PRSS56: variants seen among roughly 807,000 people sequenced by gnomAD.
The protein encoded by PRSS56 is protease, serine 56.
Under a neutral mutation model 66.8 loss-of-function variants are expected in PRSS56, and 55 were observed. The observed-to-expected ratio is 0.82, with a 90% CI of 0.66 to 1.03. The LOEUF (loss-of-function observed/expected upper bound fraction) is 1.03, where lower values mean the gene tolerates loss of function less well. Ranked by LOEUF, PRSS56 falls within the 50% of genes least tolerant of loss-of-function variation. The probability of loss-of-function intolerance (pLI) is 0.00; values close to 1 mark genes in which losing one functional copy is unlikely to be tolerated. For synonymous variants in PRSS56, 409 were observed against 387.9 expected (o/e 1.05, Z -0.64); for missense variants, 869 against 837.2 (o/e 1.04, Z -0.47).
In PRSS56 at chr2:232,523,128, G is replaced by A. The variant is rs1691322469; in HGVS notation, c.775G>A (p.Ala259Thr). Residue 259 changes from alanine to threonine, a missense_variant, in exon 7 of 13, where the codon GCC becomes ACC. Around this residue, in one of 3 missense-constraint regions of PRSS56, gnomAD observed 551 missense variants for 506.9 expected, o/e 1.09. Coordinates refer to ENST00000617714, the MANE Select transcript of PRSS56 (RefSeq NM_001195129.2). ...GCTCAGCACCGACACCTGCCGAAGAGCCCTGGGGCCCGGGCTGCGCCCCAG... is the reference window on the plus strand; with the variant it reads ...GCTCAGCACCGACACCTGCCGAAGAACCCTGGGGCCCGGGCTGCGCCCCAG... ...PLLSTDTCRR[A>T]LGPGLRPSTM... The A allele has an allele frequency of 6.5e-7, 1 of 1,533,904 alleles. No individual in the cohort carries two copies. Among genetic ancestry groups the A allele is most frequent in the East Asian group, 2.4e-5 (1 of 40,852 alleles).
At position 232,524,779 on chromosome 2, in the gene PRSS56, C is replaced by T; in HGVS notation, c.1456C>T (p.Leu486=). Reference sequence around the variant, plus strand: ...GCCCCTGCGACAGAAGTTGGCTGCCCTGCAGGGGGCCCATGCCTGGATCCT... The same window carrying T: ...GCCCCTGCGACAGAAGTTGGCTGCCTTGCAGGGGGCCCATGCCTGGATCCT... ...LEPLRQKLAA[L]QGAHAWILQV... The change falls in exon 12 of 13, where the codon CTG becomes TTG. Residue 486 remains leucine, a synonymous_variant. Transcript: ENST00000617714. The T allele has an allele frequency of 6.5e-7, 1 of 1,533,990 alleles. No homozygotes were observed. Among genetic ancestry groups the T allele is most frequent in the Middle Eastern group, 1.7e-4 (1 of 5,974 alleles).
At chr2:232,520,819 C>A (rs1156516761) in intron 1 of PRSS56, 124 bp downstream of exon 1, 2 of 621,170 alleles carry the variant, frequency 3.2e-6, no homozygotes, top group Non-Finnish European at 5.6e-6. Flanking sequence ...TCCTTCTGCC[C>A]ACCCTGCTGC....
chr2:232,520,605 C>T lies in PRSS56; in HGVS notation c.7C>T (p.Leu3=), dbSNP rs1274415305. The change falls in exon 1 of 13, where the codon CTG becomes TTG. Residue 3 remains leucine (L), a synonymous_variant. Transcript: ENST00000617714. The part of the protein sequence containing the change: ML[L]AVLLLLPLPS... ...ACCCCAGCTCCTGGTCACCATGCTG[C>T]TGGCTGTGCTGCTGCTGCTACCCCT... 6.5e-7 allele frequency: 1 copy of T among 1,536,024 alleles called. No homozygotes were observed. The highest frequency in any genetic ancestry group is 2.0e-5 in the Admixed American group (1 of 50,998).
rs1290675725 is a variant in PRSS56, at chr2:232,524,345, C to A, written c.1390C>A (p.Pro464Thr). Reference sequence around the variant, plus strand: ...AGGCACTCGGTTCCCGAAGCGGAGGCCGGAGCCGCGCGGAGAAGCCAACGG... The same window carrying A: ...AGGCACTCGGTTCCCGAAGCGGAGGACGGAGCCGCGCGGAGAAGCCAACGG... Reference protein sequence around the residue: ...AAGTRFPKRRPEPRGEANGCP... With the variant: ...AAGTRFPKRRTEPRGEANGCP... Residue 464 changes from proline (P) to threonine (T), a missense_variant, in exon 11 of 13, where the codon CCG (proline) becomes ACG (threonine). Transcript: ENST00000617714. 3.9e-6 allele frequency: 6 copies of A among 1,535,648 alleles called. No homozygotes were observed. The highest frequency in any genetic ancestry group is 5.2e-6 in the Non-Finnish European group (6 of 1,146,782).
In PRSS56 at chr2:232,520,948, C is replaced by T. The variant is rs370788701; in HGVS notation, c.97+253C>T. Among the ~76,000 whole-genome samples the T allele has an allele frequency of 1.1e-4, 17 of 152,304 alleles. 1 individual carries two copies. The East Asian group carries it at 2.1e-3, about 19-fold the overall frequency. On this transcript the variant is annotated intron_variant, in intron 1 of 12. Transcript: ENST00000617714. ...GAAGGCCCCAAGAAGCAGAGAGAAA[C>T]GGCCCGGGGCAGCACCCTGCCCTTG...
intron 2 of PRSS56, 25 bp from the exon 3 acceptor site, chr2:232,521,791 G>A (rs1467984629): frequency 3.9e-6 from 6 of 1,535,250 alleles, no homozygotes; most frequent in Non-Finnish European, 5.2e-6. Flanking sequence ...GCAGCAGTGA[G>A]ACTCAAAGGT....
At position 232,522,092 on chromosome 2, in the gene PRSS56, G is replaced by A; in HGVS notation, c.378G>A (p.Gly126=). 1.3e-6 allele frequency: 2 copies of A among 1,516,864 alleles called. No homozygotes were observed. Among genetic ancestry groups the A allele is most frequent in the Non-Finnish European group, 1.8e-6 (2 of 1,139,120 alleles). 94.0% of individuals were successfully genotyped at this position (1,516,864 alleles called of 1,614,324 possible). The stretch of plus-strand genomic sequence containing the variant: ...GGCTGGTGAGGCTGCAGCTCGGCGG[G>A]CAGCCTCTGTGCGGCGGCGTCCTGG... The part of the protein sequence containing the change: ...WPWLVRLQLG[G]QPLCGGVLVA... The change falls in exon 4 of 13, where the codon GGG becomes GGA. Residue 126 remains glycine, a synonymous_variant. Coordinates refer to ENST00000617714, the MANE Select transcript of PRSS56 (RefSeq NM_001195129.2).
rs1392933153 is a variant in PRSS56 at position 232,521,403 on chromosome 2, C to T, written c.180C>T (p.Ile60=). 3 of 1,536,148 alleles carry T rather than the reference C, an allele frequency of 2.0e-6. No individual in the cohort carries two copies. Among genetic ancestry groups the T allele is most frequent in the South Asian group, 2.4e-5 (2 of 84,064 alleles). Residue 60 remains isoleucine, a synonymous_variant, in exon 2 of 13, where the codon ATC becomes ATT. Coordinates refer to ENST00000617714, the MANE Select transcript of PRSS56 (RefSeq NM_001195129.2). ...QWAINRVAME[I]QHRSHECRGS... is the part of the protein sequence containing the mutation. ...CAATAAACCGAGTGGCGATGGAGAT[C>T]CAGCACAGATCGCACGAGTGCCGAG...
In PRSS56 at chr2:232,525,439, G is replaced by T; in HGVS notation, c.1745G>T (p.Gly582Val). 6.5e-7 allele frequency: 1 copy of T among 1,530,588 alleles called. No homozygotes were observed. Among genetic ancestry groups the T allele is most frequent in the Non-Finnish European group, 8.7e-7 (1 of 1,143,740 alleles). The allele number at this position is 1,530,588 out of a possible 1,614,324, so 94.8% of individuals were successfully genotyped here. ...GGACCCTGGATGGATGTAGGGCAGGGGCCCGGGCTGGAGAGGAAGGGGCAC... is the reference window on the plus strand; with the variant it reads ...GGACCCTGGATGGATGTAGGGCAGGTGCCCGGGCTGGAGAGGAAGGGGCAC... ...PEGPWMDVGQ[G>V]PGLERKGHHP... The change falls in exon 13 of 13, where the codon GGG (glycine) becomes GTG (valine). Residue 582 changes from glycine (G) to valine (V), a missense_variant. Physicochemically the swap from Gly to Val is moderately radical, Grantham distance 109 (BLOSUM62 -3). Transcript: ENST00000617714.
chr2:232,524,725 CCTCTT>C lies in PRSS56; in HGVS notation c.1415-11_1415-7del. On this transcript the variant is annotated splice_region_variant and splice_polypyrimidine_tract_variant and intron_variant, in intron 11 of 12. Coordinates refer to ENST00000617714, the MANE Select transcript of PRSS56 (RefSeq NM_001195129.2). ...ACCGTTCATTATTCCCGGGGCCTCT[CCTCTT>C]CCTCCAGGCTGCCCTGGGCTGGAGC... 1 of 1,508,030 alleles carries C rather than the reference CCTCTT, an allele frequency of 6.6e-7. No individual in the cohort carries two copies. The highest frequency in any genetic ancestry group is 8.9e-7 in the Non-Finnish European group (1 of 1,126,378). The allele number at this position is 1,508,030 out of a possible 1,614,324, so 93.4% of individuals were successfully genotyped here.
chr2:232,523,158 A>G lies in PRSS56; in HGVS notation c.805A>G (p.Met269Val), dbSNP rs1405524119. Residue 269 changes from methionine (M) to valine (V), a missense_variant, in exon 7 of 13, where the codon ATG becomes GTG. Met to Val is a conservative substitution (Grantham distance 21). Coordinates refer to ENST00000617714, the MANE Select transcript of PRSS56 (RefSeq NM_001195129.2). ...GGGGCCCGGGCTGCGCCCCAGCACC[A>G]TGCTCTGCGCCGGGTACCTGGCGGG... ...ALGPGLRPST[M>V]LCAGYLAGGV... 6.6e-7 allele frequency: 1 copy of G among 1,513,910 alleles called. No homozygotes were observed. The highest frequency in any genetic ancestry group is 1.4e-5 in the African/African-American group (1 of 72,196). The allele number at this position is 1,513,910 out of a possible 1,614,324, so 93.8% of individuals were successfully genotyped here.
rs1352300027 is a variant in PRSS56, at chr2:232,524,085, G to T, written c.1233G>T (p.Ala411=). Residue 411 remains alanine, a synonymous_variant, in exon 10 of 13, where the codon GCG becomes GCT. Transcript: ENST00000617714. ...CGCTGCTGGGCCTGCTGCGGAACGC[G>T]CAGGAGCTGCTCGGGCCTCGTCCGG... ...AHTLLGLLRN[A]QELLGPRPGL... 4 of 1,523,530 alleles carry T rather than the reference G, an allele frequency of 2.6e-6. No individual in the cohort carries two copies. Among genetic ancestry groups the T allele is most frequent in the Admixed American group, 2.0e-5 (1 of 50,266 alleles). 94.4% of individuals were successfully genotyped at this position (1,523,530 alleles called of 1,614,324 possible).
At position 232,520,619 on chromosome 2, in the gene PRSS56, G is replaced by A. The variant is rs1284057232; in HGVS notation, c.21G>A (p.Leu7=). 1.2e-5 allele frequency: 18 copies of A among 1,535,990 alleles called. No homozygotes were observed. The South Asian group carries it at 1.7e-4, about 14-fold the overall frequency. ...TCACCATGCTGCTGGCTGTGCTGCT[G>A]CTGCTACCCCTCCCAAGCTCATGGT... MLLAVL[L]LLPLPSSWFA... is the part of the protein sequence containing the mutation. The change falls in exon 1 of 13, where the codon CTG becomes CTA. Residue 7 remains leucine (L), a synonymous_variant. Coordinates refer to ENST00000617714, the MANE Select transcript of PRSS56 (RefSeq NM_001195129.2).
Position 232,522,634 on chromosome 2 carries a change from GC to G in PRSS56, c.546+25del, listed in dbSNP as rs1263005846. The G allele has an allele frequency of 1.3e-6, 2 of 1,531,810 alleles. No individual in the cohort carries two copies. The highest frequency in any genetic ancestry group is 2.4e-5 in the South Asian group (2 of 83,780). The allele number at this position is 1,531,810 out of a possible 1,614,324, so 94.9% of individuals were successfully genotyped here. On this transcript the variant is annotated intron_variant, in intron 5 of 12. Coordinates refer to ENST00000617714, the MANE Select transcript of PRSS56 (RefSeq NM_001195129.2). ...CCCAAGGTGAGAAGGCAGTCCCCAG[GC>G]CCCCAAGGCTGGGCACCGCACCCCC...
intron 10 of PRSS56, 29 bp downstream of exon 10, chr2:232,524,232 C>T: frequency 6.5e-7 from 1 of 1,534,262 alleles, no homozygotes; most frequent in Non-Finnish European, 8.7e-7. Context: ...CCCAGCCCAG[C>T]CCTGGCCCGG....
chr2:232,525,144 AG>A (rs1212970695), intron 12 of PRSS56, 71 bp from the exon 13 acceptor site: 45 of 1,373,906 alleles, frequency 3.3e-5, no homozygotes, highest in Admixed American at 5.8e-5. Context: ...CCAGGGGGAG[AG>A]GGGGTGACCT....
chr2:232,521,249 G>A (rs1691269289), intron 1 of PRSS56, 72 bp from the exon 2 acceptor site: 4 of 1,265,986 alleles, frequency 3.2e-6, no homozygotes, highest in Non-Finnish European at 4.4e-6. Flanking sequence ...CAGGGCTCAG[G>A]GCTGGGGCCA....
intron 2 of PRSS56, 99 bp downstream of exon 2, chr2:232,521,527 G>A: frequency 2.0e-6 from 2 of 1,020,580 alleles, no homozygotes; most frequent in South Asian, 1.4e-5. Context: ...TCTCCTCTTG[G>A]GGGCAGAGAC....
chr2:232,523,966 C>A (rs764041793), intron 9 of PRSS56, 21 bp downstream of exon 9: 1 of 1,516,436 alleles, frequency 6.6e-7, no homozygotes, highest in Non-Finnish European at 8.8e-7. Context: ...TTCACCCGGA[C>A]CCGGACGGGG....
Sources: allele counts gnomAD v4.1 joint callset (sites outside exome capture counted in the v4.1 genomes callset), GRCh38; gene constraint gnomAD v4.1.1; regional missense constraint gnomAD v4.1.1; transcripts MANE v1.5; gene names NCBI Gene and HGNC (gene_info 2026-07-23, HGNC 2026-07-21).